The following LRRC7 variants were observed in gnomAD, a reference collection of about 807,000 sequenced individuals.
The protein encoded by LRRC7 is leucine rich repeat containing 7.
A neutral mutation model predicts 175.7 loss-of-function variants in LRRC7; 23 were observed. The observed-to-expected ratio is 0.13, with a 90% CI of 0.09 to 0.19. The LOEUF (loss-of-function observed/expected upper bound fraction) is 0.19. LRRC7 is among the 10% of genes least tolerant of loss of function. The pLI, the probability that LRRC7 is intolerant of heterozygous loss-of-function variation, is 1.00. For missense variants in LRRC7, 1,354 were observed against 1,904.7 expected, an observed-to-expected ratio of 0.71 and a Z score of 5.38; for synonymous variants, 685 against 680.9, an observed-to-expected ratio of 1.01 and a Z score of -0.09.
chr1:69,717,824 AAG>A (rs1665642784), intron 2 of LRRC7, among the ~76,000 whole-genome samples: 4 of 47,482 alleles, frequency 8.4e-5, no homozygotes, highest in African/African-American at 1.2e-4. Context: ...GAAAGAAAGA[AAG>A]AAAGAAAGAA....
At chr1:69,786,125 A>C (rs571576980) in intron 3 of LRRC7, among the ~76,000 whole-genome samples, 14 of 152,072 alleles carry the variant, frequency 9.2e-5, no homozygotes, top group Non-Finnish European at 1.8e-4. Context: ...AGTGTTATCT[A>C]TGAGACAAAG....
Position 69,718,132 on chromosome 1 carries a change from A to G in LRRC7, c.100+39654A>G, listed in dbSNP as rs1255036859. Among the ~76,000 whole-genome samples the G allele has an allele frequency of 3.1e-3, 172 of 54,754 alleles. 2 individuals carry two copies. The highest frequency in any genetic ancestry group is 8.6e-3 in the African/African-American group (66 of 7,704). The allele number at this position is 54,754 out of a possible 152,430, so 35.9% of individuals were successfully genotyped here. A position where few individuals can be genotyped will look rare whatever the true frequency, so the allele number is the denominator to read the frequency against. ...GAAAAAGAAAGAAAGAAAGAAAAGA[A>G]AGAAAGAGAGAGAAAGAAAGAAAGA... On this transcript the variant is annotated intron_variant, in intron 2 of 26. Coordinates refer to ENST00000651989, the MANE Select transcript of LRRC7 (RefSeq NM_001370785.2).
intron 9 of LRRC7, among the ~76,000 whole-genome samples, chr1:69,985,295 G>A (rs1653834327): frequency 6.6e-6 from 1 of 152,070 alleles, no homozygotes; most frequent in Non-Finnish European, 1.5e-5. Flanking sequence ...CCTTCAAAAA[G>A]GGCCATTGAA....
intron 7 of LRRC7, among the ~76,000 whole-genome samples, chr1:69,842,959 G>A (rs185794496): frequency 6.6e-6 from 1 of 152,180 alleles, no homozygotes; most frequent in African/African-American, 2.4e-5. Context: ...AGCACTTTGG[G>A]AGACCAAGGC....
At chr1:69,935,552 A>G (rs1485899122) in intron 8 of LRRC7, among the ~76,000 whole-genome samples, 1 of 152,166 alleles carries the variant, frequency 6.6e-6, no homozygotes, top group Non-Finnish European at 1.5e-5. Flanking sequence ...CACTAAATTA[A>G]GTTGTCTATC....
At chr1:69,833,011 A>T (rs1404251583) in intron 5 of LRRC7, among the ~76,000 whole-genome samples, 2 of 150,718 alleles carry the variant, frequency 1.3e-5, no homozygotes, top group Admixed American at 6.6e-5. Flanking sequence ...AGGCTGGAGC[A>T]GGAGAATCAC....
At position 70,142,040 on chromosome 1, in the gene LRRC7, TAGTC is replaced by T. The variant is rs1400207084; in HGVS notation, c.*20156_*20159del. On this transcript the variant is annotated 3_prime_UTR_variant, in exon 27 of 27. Transcript: ENST00000651989. ...CCTCTACTAAAGAATATTTCTTATTTAGTCAGGAAATCTTATGTAATATTTTTGG... is the reference window on the plus strand; with the variant it reads ...CCTCTACTAAAGAATATTTCTTATTTAGGAAATCTTATGTAATATTTTTGG... The T allele has an allele frequency of 3.3e-5, 5 of 152,148 alleles. No individual in the cohort carries two copies. Among genetic ancestry groups the T allele is most frequent in the African/African-American group, 1.2e-4 (5 of 41,452 alleles). 9.4% of individuals were successfully genotyped at this position (152,148 alleles called of 1,614,324 possible). A position where few individuals can be genotyped will look rare whatever the true frequency, so the allele number is the denominator to read the frequency against.
At chr1:69,695,237 A>G (rs936815945) in intron 2 of LRRC7, among the ~76,000 whole-genome samples, 12 of 152,204 alleles carry the variant, frequency 7.9e-5, no homozygotes, top group African/African-American at 2.9e-4. Flanking sequence ...ACTTGACTGC[A>G]TTGTGTCCAT....
chr1:69,572,307 A>C (rs1283243363), intron 1 of LRRC7, among the ~76,000 whole-genome samples: 1 of 152,168 alleles, frequency 6.6e-6, no homozygotes, highest in Non-Finnish European at 1.5e-5. Context: ...ATAGCAATTT[A>C]AACCTATAAT....
At chr1:69,768,486 C>T (rs1482386256) in intron 3 of LRRC7, among the ~76,000 whole-genome samples, 1 of 152,158 alleles carries the variant, frequency 6.6e-6, no homozygotes, top group Non-Finnish European at 1.5e-5. Flanking sequence ...TTTTAAGCCT[C>T]ATTGTGTCTC....
At chr1:70,092,038 A>T (rs61784293) in intron 25 of LRRC7, among the ~76,000 whole-genome samples, 14,278 of 152,134 alleles carry the variant, frequency 0.094, 853 homozygotes, top group South Asian at 0.18. Flanking sequence ...AAAGACACTG[A>T]CTGACAATTT....
intron 1 of LRRC7, among the ~76,000 whole-genome samples, chr1:69,591,810 G>A (rs1646646565): frequency 6.6e-6 from 1 of 151,952 alleles, no homozygotes; most frequent in African/African-American, 2.4e-5. Context: ...TGAGTCATTA[G>A]CAAGCTTATC....
Position 69,781,688 on chromosome 1 carries a change from G to GAAAGAAAGAAAGAAAGA in LRRC7, c.304-10353_304-10352insAGAAAGAAAGAAAGAAA, listed in dbSNP as rs112404404. Among the ~76,000 whole-genome samples, 17 of 43,948 alleles carry GAAAGAAAGAAAGAAAGA rather than the reference G, an allele frequency of 3.9e-4. 4 individuals are homozygous for GAAAGAAAGAAAGAAAGA. The highest frequency in any genetic ancestry group is 8.2e-4 in the Admixed American group (3 of 3,656). 28.8% of individuals were successfully genotyped at this position (43,948 alleles called of 152,430 possible). A position where few individuals can be genotyped will look rare whatever the true frequency, so the allele number is the denominator to read the frequency against. On this transcript the variant is annotated intron_variant, in intron 3 of 26. Transcript: ENST00000651989. ...CAGAGCAAGACTGTCTCAAAAAAAA[G>GAAAGAAAGAAAGAAAGA]AAGAAAGAAAGAAAGAAAGAAAGAA...
intron 11 of LRRC7, among the ~76,000 whole-genome samples, chr1:70,005,534 A>G (rs1035940430): frequency 1.3e-5 from 2 of 152,214 alleles, no homozygotes; most frequent in Non-Finnish European, 2.9e-5. Context: ...AGAAAACTGT[A>G]CAGAATATTT....
At chr1:69,801,442 C>T (rs562712353) in intron 4 of LRRC7, among the ~76,000 whole-genome samples, 48 of 151,660 alleles carry the variant, frequency 3.2e-4, no homozygotes, top group African/African-American at 1.1e-3. Context: ...GTTCAATATT[C>T]GGAGGTTGTA....
chr1:69,983,687 A>G (rs1195764268), intron 9 of LRRC7, among the ~76,000 whole-genome samples: 1 of 152,184 alleles, frequency 6.6e-6, no homozygotes, highest in African/African-American at 2.4e-5. Context: ...GTGATCTTTG[A>G]AGTGCCAGCC....
intron 3 of LRRC7, among the ~76,000 whole-genome samples, chr1:69,790,860 A>G (rs560099143): frequency 1.3e-5 from 2 of 152,158 alleles, no homozygotes; most frequent in Admixed American, 1.3e-4. Context: ...AGTGTTACGA[A>G]TAGTCTTTGT....
chr1:70,000,604 T>C (rs1040165109), intron 11 of LRRC7, among the ~76,000 whole-genome samples: 5 of 152,216 alleles, frequency 3.3e-5, no homozygotes, highest in African/African-American at 1.2e-4. Flanking sequence ...GCCCTTCTCC[T>C]GTGCCTCCAA....
At chr1:69,757,058 G>A (rs761805270) in intron 2 of LRRC7, among the ~76,000 whole-genome samples, 11 of 151,998 alleles carry the variant, frequency 7.2e-5, no homozygotes, top group African/African-American at 1.4e-4. Flanking sequence ...TTGAAAGTCC[G>A]TAATCTAGAT....
Sources: gnomAD v4.1 joint callset for allele counts (sites outside exome capture counted in the v4.1 genomes callset) on GRCh38, gnomAD v4.1.1 for gene constraint, MANE v1.5 for transcripts, NCBI Gene and HGNC (gene_info 2026-07-23, HGNC 2026-07-21) for gene names.